Variants in ARRB1 observed in about 807,000 individuals in gnomAD.
The protein encoded by ARRB1 is arrestin beta 1.
A neutral mutation model predicts 56.8 loss-of-function variants in ARRB1; 21 were observed. The observed-to-expected ratio is 0.37, with a 90% CI of 0.26 to 0.53. The LOEUF is 0.53. ARRB1 is among the 20% of genes least tolerant of loss of function. The probability of loss-of-function intolerance (pLI) is 0.88; values close to 1 mark genes in which losing one functional copy is unlikely to be tolerated. For synonymous variants in ARRB1, 210 were observed against 218.6 expected, an observed-to-expected ratio of 0.96 and a Z score of 0.35; for missense variants, 424 against 553.7, an observed-to-expected ratio of 0.77 and a Z score of 2.35.
chr11:75,263,672 T>A lies in ARRB1; in HGVS notation c.*2491A>T, dbSNP rs1302525651. Among the ~76,000 whole-genome samples, 6 of 150,968 alleles carry A rather than the reference T, an allele frequency of 4.0e-5. No homozygotes were observed. Among genetic ancestry groups the A allele is most frequent in the Non-Finnish European group, 7.4e-5 (5 of 67,922 alleles). Reference sequence around the variant, plus strand: ...CAGTACTTGGCATAGAGCTGAGTCATCAGCAAAGGATGGTAGGCTGAATTC... The same window carrying A: ...CAGTACTTGGCATAGAGCTGAGTCAACAGCAAAGGATGGTAGGCTGAATTC... On this transcript the variant is annotated 3_prime_UTR_variant, in exon 16 of 16. Transcript: ENST00000420843.
intron 1 of ARRB1, among the ~76,000 whole-genome samples, chr11:75,328,209 G>C (rs1385196517): frequency 6.6e-6 from 1 of 152,142 alleles, no homozygotes; most frequent in East Asian, 1.9e-4. Context: ...GTGACCTCTT[G>C]TGTCTGGCTT....
chr11:75,262,615 C>T lies in ARRB1; in HGVS notation c.*3548G>A, dbSNP rs890348821. The T allele has an allele frequency of 1.3e-5, 2 of 152,268 alleles. No homozygotes were observed. The highest frequency in any genetic ancestry group is 4.8e-5 in the African/African-American group (2 of 41,450). 9.4% of individuals were successfully genotyped at this position (152,268 alleles called of 1,614,324 possible). On this transcript the variant is annotated 3_prime_UTR_variant, in exon 16 of 16. Transcript: ENST00000420843. Reference sequence around the variant, plus strand: ...CCATTTTCAACTTACAGAGCCCTGACCGCTGACTTTCATCTCATCTGGGCC... The same window carrying T: ...CCATTTTCAACTTACAGAGCCCTGATCGCTGACTTTCATCTCATCTGGGCC...
chr11:75,273,978 C>A, intron 11 of ARRB1, 96 bp downstream of exon 11: 1 of 1,573,136 alleles, frequency 6.4e-7, no homozygotes. Flanking sequence ...GAGAGGGTAG[C>A]CTGAGCCTTG....
At chr11:75,291,010 C>T (rs533335358) in intron 1 of ARRB1, among the ~76,000 whole-genome samples, 2 of 152,324 alleles carry the variant, frequency 1.3e-5, no homozygotes, top group South Asian at 4.1e-4. Context: ...CTCTTATCCA[C>T]AGATGCATCT....
At chr11:75,291,871 C>T (rs1946619194) in intron 1 of ARRB1, among the ~76,000 whole-genome samples, 1 of 152,208 alleles carries the variant, frequency 6.6e-6, no homozygotes, top group Non-Finnish European at 1.5e-5. Flanking sequence ...CCCAGGAGCA[C>T]AGGGTCCAGT....
chr11:75,316,548 G>A (rs1233384564), intron 1 of ARRB1, among the ~76,000 whole-genome samples: 1 of 151,896 alleles, frequency 6.6e-6, no homozygotes, highest in Non-Finnish European at 1.5e-5. Context: ...CCAGCGGGTG[G>A]GTGTCATGGG....
At chr11:75,275,389 T>C (rs1946180145) in intron 10 of ARRB1, among the ~76,000 whole-genome samples, 1 of 152,010 alleles carries the variant, frequency 6.6e-6, no homozygotes, top group Non-Finnish European at 1.5e-5. Context: ...TCAAGTGATC[T>C]GCCTGCCTCA....
chr11:75,303,591 G>T (rs1020969302), intron 1 of ARRB1: 4 of 456,150 alleles, frequency 8.8e-6, no homozygotes. Flanking sequence ...GCCTGGGGCT[G>T]TTTTTACCTG....
intron 1 of ARRB1, among the ~76,000 whole-genome samples, chr11:75,312,997 A>G (rs1947193697): frequency 6.6e-6 from 1 of 152,218 alleles, no homozygotes; most frequent in Admixed American, 6.5e-5. Flanking sequence ...ATAGGAGACT[A>G]ATACGACAGA....
At chr11:75,290,072 C>T (rs34972932) in intron 1 of ARRB1, 33 bp from the exon 2 acceptor site, 77 of 1,613,624 alleles carry the variant, frequency 4.8e-5, no homozygotes, top group Middle Eastern at 3.3e-4. Context: ...GGCCAGGGTT[C>T]GCGTATCCTG....
At chr11:75,287,433 C>A in intron 2 of ARRB1, 58 bp from the exon 3 acceptor site, 1 of 1,531,842 alleles carries the variant, frequency 6.5e-7, no homozygotes, top group Non-Finnish European at 8.8e-7. Flanking sequence ...ACACAGGACC[C>A]TGTCTTGGAG....
chr11:75,318,464 CG>C (rs1454685424), intron 1 of ARRB1, among the ~76,000 whole-genome samples: 2 of 152,044 alleles, frequency 1.3e-5, no homozygotes, highest in Non-Finnish European at 2.9e-5. Flanking sequence ...CCGAGGTGGG[CG>C]GGGCACCTGA....
In ARRB1 at chr11:75,321,905, G is replaced by A. The variant is rs1947354268; in HGVS notation, c.20+29683C>T. 2.6e-5 allele frequency among the ~76,000 whole-genome samples: 4 copies of A among 152,212 alleles called. No homozygotes were observed. The South Asian group carries it at 8.3e-4, about 31-fold the overall frequency. ...ACATAAAGCTTCCCGTCTGGCCAGG[G>A]AAACTGCAGGGCTCTGCACTACACA... On this transcript the variant is annotated intron_variant, in intron 1 of 15. Coordinates refer to ENST00000420843, the MANE Select transcript of ARRB1 (RefSeq NM_004041.5).
Position 75,344,935 on chromosome 11 carries a change from C to T in ARRB1, c.20+6653G>A, listed in dbSNP as rs573301177. On this transcript the variant is annotated intron_variant, in intron 1 of 15. Coordinates refer to ENST00000420843, the MANE Select transcript of ARRB1 (RefSeq NM_004041.5). ...CTCCTGCCTCATCCAGGCCCATACA[C>T]GGGCTGTTGAACCACTGAATGGTTC... Among the ~76,000 whole-genome samples, 11 of 152,182 alleles carry T rather than the reference C, an allele frequency of 7.2e-5. No individual in the cohort carries two copies. In the East Asian group the frequency reaches 9.6e-4, roughly 13 times the overall value.
At chr11:75,335,160 C>T in intron 1 of ARRB1, 1 of 251,362 alleles carries the variant, frequency 4.0e-6, no homozygotes, top group South Asian at 4.4e-5. Context: ...CACAAAGGCC[C>T]TGCCTCCAGC....
Position 75,276,928 on chromosome 11 carries a change from AT to A in ARRB1, c.704-18del. The A allele has an allele frequency of 6.2e-7, 1 of 1,613,644 alleles. No homozygotes were observed. Among genetic ancestry groups the A allele is most frequent in the Admixed American group, 1.7e-5 (1 of 60,022 alleles). On this transcript the variant is annotated intron_variant, in intron 9 of 15. Transcript: ENST00000420843. ...ACTGGCGCACTAGGGAGGGAGAGGA[AT>A]CAAGGTGGAGTGAGTCGGGAATGTA...
intron 2 of ARRB1, among the ~76,000 whole-genome samples, chr11:75,289,016 A>T (rs548396632): frequency 2.0e-5 from 3 of 152,144 alleles, no homozygotes; most frequent in African/African-American, 7.2e-5. Flanking sequence ...CGGCGGGGAG[A>T]GGGGACGGGG....
At chr11:75,281,411 T>A (rs1946335392) in intron 6 of ARRB1, among the ~76,000 whole-genome samples, 1 of 152,132 alleles carries the variant, frequency 6.6e-6, no homozygotes, top group African/African-American at 2.4e-5. Flanking sequence ...GTGGCCGTCC[T>A]CATCCAGGCA....
chr11:75,351,461 A>G, intron 1 of ARRB1, 127 bp downstream of exon 1: 1 of 1,376,272 alleles, frequency 7.3e-7, no homozygotes, highest in Admixed American at 2.4e-5. Context: ...CCTCGGGTGG[A>G]GGAGAGCTGG....
Sources: gnomAD v4.1 joint callset for allele counts (sites outside exome capture counted in the v4.1 genomes callset) on GRCh38, gnomAD v4.1.1 for gene constraint, MANE v1.5 for transcripts, NCBI Gene and HGNC (gene_info 2026-07-23, HGNC 2026-07-21) for gene names.